The following ATP6V1H variants were observed in gnomAD, a reference collection of about 807,000 sequenced individuals.
ATP6V1H encodes the protein V-type proton ATPase subunit H.
A neutral mutation model predicts 71.7 loss-of-function variants in ATP6V1H; 39 were observed. That is an observed-to-expected ratio of 0.54 (90% confidence interval 0.42 to 0.71). The LOEUF (loss-of-function observed/expected upper bound fraction) is 0.71. ATP6V1H is among the 30% of genes least tolerant of loss of function. The probability of loss-of-function intolerance (pLI) is 0.00; values close to 1 mark genes in which losing one functional copy is unlikely to be tolerated. For missense variants in ATP6V1H, 509 were observed against 594.9 expected, an observed-to-expected ratio of 0.86 and a Z score of 1.50; for synonymous variants, 192 against 199.3, an observed-to-expected ratio of 0.96 and a Z score of 0.31.
intron 5 of ATP6V1H, among the ~76,000 whole-genome samples, chr8:53,816,519 C>T (rs1016098511): frequency 1.3e-5 from 2 of 152,120 alleles, no homozygotes; most frequent in African/African-American, 4.8e-5. Context: ...GAGTGTAGGC[C>T]GGGTGCAGTG....
At chr8:53,776,903 T>A (rs1808910206) in intron 9 of ATP6V1H, among the ~76,000 whole-genome samples, 1 of 152,012 alleles carries the variant, frequency 6.6e-6, no homozygotes, top group Admixed American at 6.5e-5. Flanking sequence ...AAAACACAGA[T>A]CATTTGAAAT....
intron 5 of ATP6V1H, among the ~76,000 whole-genome samples, chr8:53,816,379 G>A (rs1237647979): frequency 1.3e-5 from 2 of 152,144 alleles, no homozygotes; most frequent in African/African-American, 2.4e-5. Flanking sequence ...TCCCCAACCC[G>A]TAGCCCACTC....
intron 13 of ATP6V1H, among the ~76,000 whole-genome samples, chr8:53,732,658 CAAAAAAA>C (rs576194964): frequency 6.4e-5 from 6 of 93,882 alleles, no homozygotes; most frequent in African/African-American, 2.3e-4. Context: ...CAGCTTATTG[CAAAAAAA>C]AAAAAAGAAA....
intron 13 of ATP6V1H, among the ~76,000 whole-genome samples, chr8:53,738,400 G>C (rs1334162332): frequency 6.6e-6 from 1 of 152,046 alleles, no homozygotes; most frequent in East Asian, 1.9e-4. Context: ...ACAGAAGGAA[G>C]AGAAAGCAAT....
chr8:53,754,852 G>A (rs772250112), intron 12 of ATP6V1H, among the ~76,000 whole-genome samples: 1 of 152,170 alleles, frequency 6.6e-6, no homozygotes, highest in Non-Finnish European at 1.5e-5. Context: ...AAATAATTGA[G>A]TCCTTATTTT....
intron 13 of ATP6V1H, among the ~76,000 whole-genome samples, chr8:53,717,324 G>A (rs1187025013): frequency 1.3e-5 from 2 of 152,198 alleles, no homozygotes; most frequent in Non-Finnish European, 2.9e-5. Context: ...GCAGCAGGGA[G>A]GAGGAACTGG....
chr8:53,803,194 A>AAATGAAAAGAATATTT (rs1446476021), intron 7 of ATP6V1H, among the ~76,000 whole-genome samples: 19 of 152,022 alleles, frequency 1.2e-4, no homozygotes, highest in Admixed American at 1.2e-3. Context: ...AAAATTAGCC[A>AAATGAAAAGAATATTT]GGTGTGGTGG....
At chr8:53,768,502 T>C (rs974255190) in intron 11 of ATP6V1H, among the ~76,000 whole-genome samples, 1 of 152,150 alleles carries the variant, frequency 6.6e-6, no homozygotes, top group African/African-American at 2.4e-5. Context: ...TTATTGGCAA[T>C]ATTTATAATA....
At chr8:53,746,950 C>A (rs1208182805) in intron 12 of ATP6V1H, among the ~76,000 whole-genome samples, 1 of 152,164 alleles carries the variant, frequency 6.6e-6, no homozygotes, top group Non-Finnish European at 1.5e-5. Flanking sequence ...GCATGTTAAG[C>A]TTTAAGAACT....
chr8:53,801,916 G>A lies in ATP6V1H; in HGVS notation c.580-20C>T. 1 of 1,606,002 alleles carries A rather than the reference G, an allele frequency of 6.2e-7. No homozygotes were observed. The highest frequency in any genetic ancestry group is 1.7e-5 in the Admixed American group (1 of 58,812). On this transcript the variant is annotated intron_variant, in intron 7 of 13. Transcript: ENST00000359530. ...CGAACTCTGCACAAGAAGAAGTGTT[G>A]AGTTTTTAAATGGGAAGCATTTAAA...
intron 12 of ATP6V1H, among the ~76,000 whole-genome samples, chr8:53,746,991 C>T (rs909196211): frequency 5.3e-5 from 8 of 152,208 alleles, no homozygotes; most frequent in African/African-American, 1.9e-4. Flanking sequence ...TTAACAAGTT[C>T]AGCACTGGTA....
intron 9 of ATP6V1H, among the ~76,000 whole-genome samples, chr8:53,787,548 T>C (rs1401056941): frequency 6.6e-6 from 1 of 152,242 alleles, no homozygotes; most frequent in Non-Finnish European, 1.5e-5. Flanking sequence ...GCTGTAATTC[T>C]TAAGGCTTTC....
At chr8:53,817,787 G>A (rs935867463) in intron 4 of ATP6V1H, among the ~76,000 whole-genome samples, 14 of 151,790 alleles carry the variant, frequency 9.2e-5, no homozygotes, top group Admixed American at 3.3e-4. Context: ...TACACTTCTC[G>A]GCCTGCACCT....
chr8:53,841,713 T>C lies in ATP6V1H; in HGVS notation c.-23A>G, dbSNP rs1811349190. On this transcript the variant is annotated 5_prime_UTR_variant, in exon 2 of 14. Coordinates refer to ENST00000359530, the MANE Select transcript of ATP6V1H (RefSeq NM_015941.4). Reference sequence around the variant, plus strand: ...CATCTAAACTTCGTAATCTTGAATGTCTTTCAACAAATCTTCAATTTTGAT... The same window carrying C: ...CATCTAAACTTCGTAATCTTGAATGCCTTTCAACAAATCTTCAATTTTGAT... 3 of 1,608,574 alleles carry C rather than the reference T, an allele frequency of 1.9e-6. No homozygotes were observed. Among genetic ancestry groups the C allele is most frequent in the Non-Finnish European group, 2.5e-6 (3 of 1,177,498 alleles).
At chr8:53,728,348 A>G (rs191943309) in intron 13 of ATP6V1H, among the ~76,000 whole-genome samples, 16 of 152,350 alleles carry the variant, frequency 1.1e-4, no homozygotes, top group Non-Finnish European at 1.8e-4. Context: ...AGCTGTGCTG[A>G]GTGTGAAACA....
intron 5 of ATP6V1H, among the ~76,000 whole-genome samples, chr8:53,815,094 C>T (rs375369467): frequency 6.6e-6 from 1 of 152,152 alleles, no homozygotes; most frequent in Admixed American, 6.5e-5. Flanking sequence ...TTCTTAGAAG[C>T]AGACTGTCAC....
chr8:53,755,577 G>A (rs561076292), intron 12 of ATP6V1H, among the ~76,000 whole-genome samples: 2 of 147,146 alleles, frequency 1.4e-5, no homozygotes, highest in South Asian at 4.3e-4. Flanking sequence ...ATTCATCTCT[G>A]TAAGTACAAA....
At chr8:53,743,759 C>T in intron 12 of ATP6V1H, 69 bp from the exon 13 acceptor site, 1 of 1,044,964 alleles carries the variant, frequency 9.6e-7, no homozygotes, top group Non-Finnish European at 1.4e-6. Flanking sequence ...AAGCAGGCAG[C>T]TCAAATACCA....
intron 9 of ATP6V1H, among the ~76,000 whole-genome samples, chr8:53,775,892 T>C (rs1020345014): frequency 6.6e-6 from 1 of 152,242 alleles, no homozygotes; most frequent in Non-Finnish European, 1.5e-5. Flanking sequence ...TCCTGCGCCA[T>C]GCGCTCGCAC....
Sources: gnomAD v4.1 joint callset for allele counts (sites outside exome capture counted in the v4.1 genomes callset) on GRCh38, gnomAD v4.1.1 for gene constraint, MANE v1.5 for transcripts, NCBI Gene and HGNC (gene_info 2026-07-23, HGNC 2026-07-21) for gene names.